The following KCNH1 variants were observed in gnomAD, a reference collection of about 807,000 sequenced individuals.
The protein encoded by KCNH1 is voltage-gated delayed rectifier potassium channel KCNH1.
KCNH1 carries 27 observed loss-of-function variants against 69.2 expected under a neutral mutation model. The ratio of observed to expected loss-of-function variants is 0.39; its 90% confidence interval spans 0.29 to 0.54. KCNH1 has a LOEUF of 0.54. Among genes scored for constraint, KCNH1 ranks in the 20% least tolerant of loss-of-function variants. The pLI, the probability that KCNH1 is intolerant of heterozygous loss-of-function variation, is 0.68. For synonymous variants in KCNH1, 456 were observed against 487.7 expected (o/e 0.93, Z 0.86); for missense variants, 798 against 1,261.6 (o/e 0.63, Z 5.57).
chr1:210,971,128 T>G (rs1574370050), intron 6 of KCNH1, among the ~76,000 whole-genome samples: 1 of 151,952 alleles, frequency 6.6e-6, no homozygotes, highest in Non-Finnish European at 1.5e-5. Flanking sequence ...TGATTTTTTT[T>G]GTTTAGCAGA....
At chr1:210,710,390 A>G (rs1488937610) in intron 10 of KCNH1, among the ~76,000 whole-genome samples, 2 of 152,160 alleles carry the variant, frequency 1.3e-5, no homozygotes, top group Admixed American at 1.3e-4. Context: ...GGGAAGTAGA[A>G]ATGGGTGGGT....
chr1:210,727,451 GCCT>G (rs1316967488), intron 10 of KCNH1, among the ~76,000 whole-genome samples: 10 of 152,178 alleles, frequency 6.6e-5, no homozygotes, highest in African/African-American at 2.4e-4. Flanking sequence ...CTCCACCTTG[GCCT>G]CCTAAAGAGC....
At chr1:210,713,445 C>T (rs1253067071) in intron 10 of KCNH1, among the ~76,000 whole-genome samples, 1 of 152,170 alleles carries the variant, frequency 6.6e-6, no homozygotes, top group Non-Finnish European at 1.5e-5. Context: ...TCCTTTCTTC[C>T]ATCAATATTA....
At chr1:210,710,725 C>T (rs1274970896) in intron 10 of KCNH1, among the ~76,000 whole-genome samples, 1 of 152,128 alleles carries the variant, frequency 6.6e-6, no homozygotes, top group East Asian at 1.9e-4. Context: ...ATACTTGGGT[C>T]TGCTTGCCCT....
intron 1 of KCNH1, among the ~76,000 whole-genome samples, chr1:211,131,211 C>T (rs982780131): frequency 3.9e-5 from 6 of 152,014 alleles, no homozygotes; most frequent in African/African-American, 1.4e-4. Context: ...CTTCCCACAG[C>T]TCTATGATAT....
rs187449572 is a variant in KCNH1 at position 211,076,291 on chromosome 1, C to T, written c.558+6489G>A. Among the ~76,000 whole-genome samples, 649 of 152,338 alleles carry T rather than the reference C, an allele frequency of 4.3e-3. 6 individuals are homozygous for T. The highest frequency in any genetic ancestry group is 0.014 in the African/African-American group (593 of 41,582). On this transcript the variant is annotated intron_variant, in intron 5 of 10. Transcript: ENST00000271751. ...GACAGACTGCCTCCTCAAGTGGGTCCTTGATCTCCATGTAGCCTAACTTGG... is the reference window on the plus strand; with the variant it reads ...GACAGACTGCCTCCTCAAGTGGGTCTTTGATCTCCATGTAGCCTAACTTGG...
At chr1:210,804,683 G>T (rs1684498270) in intron 7 of KCNH1, among the ~76,000 whole-genome samples, 1 of 152,060 alleles carries the variant, frequency 6.6e-6, no homozygotes, top group South Asian at 2.1e-4. Flanking sequence ...AGTCAGACCT[G>T]GTCCTCACAG....
chr1:210,873,218 C>T (rs575729438), intron 7 of KCNH1, among the ~76,000 whole-genome samples: 32 of 152,280 alleles, frequency 2.1e-4, no homozygotes, highest in African/African-American at 7.5e-4. Context: ...GAATCCCCTG[C>T]TTCTTGTCTT....
At chr1:210,742,542 G>T (rs909057373) in intron 10 of KCNH1, among the ~76,000 whole-genome samples, 1 of 152,202 alleles carries the variant, frequency 6.6e-6, no homozygotes, top group Non-Finnish European at 1.5e-5. Flanking sequence ...GGCACTCAGT[G>T]GTTCTTATTG....
At chr1:210,985,593 TTGAG>T (rs1186322922) in intron 6 of KCNH1, among the ~76,000 whole-genome samples, 1 of 152,222 alleles carries the variant, frequency 6.6e-6, no homozygotes, top group African/African-American at 2.4e-5. Flanking sequence ...TTGAGTGGTT[TTGAG>T]TGAGTTTCTT....
chr1:210,793,730 GT>G (rs981472290), intron 9 of KCNH1, among the ~76,000 whole-genome samples: 1 of 152,166 alleles, frequency 6.6e-6, no homozygotes, highest in East Asian at 1.9e-4. Flanking sequence ...GAGCTCTGGC[GT>G]TTTTTTCTAA....
intron 7 of KCNH1, among the ~76,000 whole-genome samples, chr1:210,906,550 G>T (rs1401564482): frequency 1.3e-5 from 2 of 152,208 alleles, no homozygotes; most frequent in African/African-American, 2.4e-5. Context: ...CAGAAAAACT[G>T]ATTTCCATAA....
intron 1 of KCNH1, among the ~76,000 whole-genome samples, chr1:211,113,624 A>T (rs1691511436): frequency 6.6e-6 from 1 of 152,212 alleles, no homozygotes; most frequent in African/African-American, 2.4e-5. Context: ...CTCAGGGGTG[A>T]GGAAGAATAC....
chr1:211,104,873 G>A (rs1691324107), intron 2 of KCNH1, among the ~76,000 whole-genome samples: 1 of 152,132 alleles, frequency 6.6e-6, no homozygotes, highest in Non-Finnish European at 1.5e-5. Context: ...GAATTTCAGA[G>A]CTACAAAGAA....
At chr1:211,123,328 T>G in intron 1 of KCNH1, among the ~76,000 whole-genome samples, 1 of 151,948 alleles carries the variant, frequency 6.6e-6, no homozygotes, top group Non-Finnish European at 1.5e-5. Flanking sequence ...ATCTGTAGAG[T>G]TGAGCAGGTA....
In KCNH1 at chr1:210,726,815, GT is replaced by G. The variant is rs375334191; in HGVS notation, c.2113-42678del. ...AACCATGGACAGTTCCCCGGCGGGG[GT>G]GGGGTGGACTACTCTCCTCTATTCA... On this transcript the variant is annotated intron_variant, in intron 10 of 10. Coordinates refer to ENST00000271751, the MANE Select transcript of KCNH1 (RefSeq NM_172362.3). Among the ~76,000 whole-genome samples the G allele has an allele frequency of 5.4e-3, 797 of 146,668 alleles. 3 individuals carry two copies. The highest frequency in any genetic ancestry group is 0.021 in the African/African-American group (753 of 36,648).
At chr1:210,781,683 T>C (rs1683990437) in intron 9 of KCNH1, among the ~76,000 whole-genome samples, 2 of 152,236 alleles carry the variant, frequency 1.3e-5, no homozygotes, top group South Asian at 4.1e-4. Context: ...ACCTGGATTA[T>C]ACCACCTATG....
chr1:210,909,425 A>G (rs1179974781), intron 7 of KCNH1, among the ~76,000 whole-genome samples: 1 of 152,262 alleles, frequency 6.6e-6, no homozygotes, highest in East Asian at 1.9e-4. Context: ...AAAGAATGGC[A>G]TTAACATCAA....
At chr1:210,694,081 C>G (rs2149006805) in intron 10 of KCNH1, among the ~76,000 whole-genome samples, 1 of 152,294 alleles carries the variant, frequency 6.6e-6, no homozygotes, top group Non-Finnish European at 1.5e-5. Context: ...ATTAAAAGCT[C>G]CTTGAAGCAT....
Sources: gnomAD v4.1 joint callset for allele counts (sites outside exome capture counted in the v4.1 genomes callset) on GRCh38, gnomAD v4.1.1 for gene constraint, MANE v1.5 for transcripts, NCBI Gene and HGNC (gene_info 2026-07-23, HGNC 2026-07-21) for gene names.